Variants in TRIOBP observed in about 807,000 individuals in gnomAD.
TRIOBP encodes TRIO and F-actin binding protein, also known as TRIO and F-actin-binding protein.
A neutral mutation model predicts 238.8 loss-of-function variants in TRIOBP; 169 were observed. The ratio of observed to expected loss-of-function variants is 0.71; its 90% CI spans 0.62 to 0.80. TRIOBP has a LOEUF of 0.80. TRIOBP is among the 30% of genes least tolerant of loss of function. TRIOBP has a pLI of 0.00. For synonymous variants in TRIOBP, 1,150 were observed against 1,274.4 expected (o/e 0.90, Z 2.08); for missense variants, 2,838 against 3,122.6 (o/e 0.91, Z 2.17).
rs4821703 is a variant in TRIOBP, at chr22:37,740,669, C to T, written c.5185-226C>T. ...CCGTGGTTTGACTTTAGGGTGATGA[C>T]GTGCACACCTTCAAAGGTGCTGAGC... On this transcript the variant is annotated intron_variant, in intron 10 of 23. Transcript: ENST00000644935. Among the ~76,000 whole-genome samples, 37,645 of 152,230 alleles carry T rather than the reference C, an allele frequency of 0.25. 5,585 individuals are homozygous for T. The highest frequency in any genetic ancestry group is 0.4 in the South Asian group (1,945 of 4,816).
intron 11 of TRIOBP, among the ~76,000 whole-genome samples, chr22:37,747,599 C>T (rs1037077318): frequency 2.6e-5 from 4 of 152,194 alleles, no homozygotes; most frequent in Non-Finnish European, 4.4e-5. Context: ...AGCAGCCTCC[C>T]CTTTTCTGTC....
intron 17 of TRIOBP, chr22:37,759,553 C>T: frequency 6.3e-7 from 1 of 1,599,620 alleles, no homozygotes; most frequent in Non-Finnish European, 8.5e-7. Flanking sequence ...ACTGCAGAGC[C>T]TGTGTGTGAG....
At chr22:37,765,947 T>A in intron 18 of TRIOBP, 130 bp downstream of exon 18, 4 of 1,268,392 alleles carry the variant, frequency 3.2e-6, no homozygotes, top group Non-Finnish European at 4.2e-6. Context: ...GGGTAAAGGG[T>A]CAGCAGGTGT....
Position 37,726,348 on chromosome 22 carries a change from C to T in TRIOBP, c.3792C>T (p.Asn1264=). The change falls in exon 7 of 24, where the codon AAC becomes AAT. Residue 1264 remains asparagine (N), a synonymous_variant. Transcript: ENST00000644935. ...CGCCTCCCGGGGAGACCAGGCACAACTTGGAGCGGGAGGAGTACACTGTGC... is the reference window on the plus strand; with the variant it reads ...CGCCTCCCGGGGAGACCAGGCACAATTTGGAGCGGGAGGAGTACACTGTGC... The part of the protein sequence containing the change: ...GSAPPGETRH[N]LEREEYTVLA... The T allele has an allele frequency of 6.2e-7, 1 of 1,609,946 alleles. No homozygotes were observed.
intron 22 of TRIOBP, 21 bp downstream of exon 22, chr22:37,771,757 G>A (rs1484973164): frequency 1.2e-6 from 2 of 1,610,424 alleles, no homozygotes; most frequent in East Asian, 4.5e-5. Flanking sequence ...CCGCTGGGCT[G>A]GGGGCCGTCG....
At chr22:37,743,649 T>G (rs1298125456) in intron 11 of TRIOBP, among the ~76,000 whole-genome samples, 1 of 152,036 alleles carries the variant, frequency 6.6e-6, no homozygotes, top group Non-Finnish European at 1.5e-5. Context: ...GGTCACCACT[T>G]TAGTGGGGAA....
At chr22:37,743,515 G>A (rs752798356) in intron 11 of TRIOBP, among the ~76,000 whole-genome samples, 1 of 152,188 alleles carries the variant, frequency 6.6e-6, no homozygotes, top group Non-Finnish European at 1.5e-5. Context: ...CCGTGCTTAC[G>A]GAGGATGTGC....
chr22:37,706,841 T>C (rs1473683875), intron 3 of TRIOBP, among the ~76,000 whole-genome samples: 2 of 151,796 alleles, frequency 1.3e-5, no homozygotes, highest in Non-Finnish European at 2.9e-5. Context: ...CCAGTTGCTC[T>C]GATGATGATC....
chr22:37,708,562 C>T (rs901716334), intron 3 of TRIOBP, among the ~76,000 whole-genome samples: 1 of 152,166 alleles, frequency 6.6e-6, no homozygotes, highest in African/African-American at 2.4e-5. Flanking sequence ...AAAAAAAAAG[C>T]CCTTTACAAA....
chr22:37,772,914 G>A (rs1926855732), intron 23 of TRIOBP, 150 bp downstream of exon 23: 1 of 996,346 alleles, frequency 1.0e-6, no homozygotes, highest in Non-Finnish European at 1.5e-6. Flanking sequence ...AGCAACACGG[G>A]GTTGTTGCAG....
chr22:37,773,490 G>T (rs1926885531), intron 23 of TRIOBP, among the ~76,000 whole-genome samples: 6 of 152,146 alleles, frequency 3.9e-5, no homozygotes, highest in Admixed American at 3.3e-4. Context: ...AAAATTCTGA[G>T]ATTACAGGTG....
intron 21 of TRIOBP, 45 bp downstream of exon 21, chr22:37,769,420 C>T: frequency 6.6e-7 from 1 of 1,523,906 alleles, no homozygotes; most frequent in Non-Finnish European, 8.8e-7. Flanking sequence ...GTTCTCGGGG[C>T]CCGGGGCTAT....
At position 37,776,146 on chromosome 22, in the gene TRIOBP, C is replaced by G. The variant is rs1351174698; in HGVS notation, c.*2366C>G. On this transcript the variant is annotated 3_prime_UTR_variant, in exon 24 of 24. Coordinates refer to ENST00000644935, the MANE Select transcript of TRIOBP (RefSeq NM_001039141.3). ...CAGGAACATCCTCTTCACCAACCCCCCTCCCATCCCTCCTCAGGGCTGCCT... is the reference window on the plus strand; with the variant it reads ...CAGGAACATCCTCTTCACCAACCCCGCTCCCATCCCTCCTCAGGGCTGCCT... The G allele has an allele frequency of 1.3e-5, 2 of 152,308 alleles. No homozygotes were observed. The highest frequency in any genetic ancestry group is 1.3e-4 in the Admixed American group (2 of 15,284). 9.4% of individuals were successfully genotyped at this position (152,308 alleles called of 1,614,324 possible).
At position 37,697,770 on chromosome 22, in the gene TRIOBP, A is replaced by AC. The variant is rs1260449266; in HGVS notation, c.-61+80dup. 3 of 149,930 alleles carry AC rather than the reference A, an allele frequency of 2.0e-5. No homozygotes were observed. The East Asian group carries it at 5.9e-4, about 30-fold the overall frequency. The allele number at this position is 149,930 out of a possible 1,614,324, so 9.3% of individuals were successfully genotyped here. ...TGTTTTGGGATGTTGGGTTCCTCCCACCCCCCACCCTCCCCCTGGGGCTCT... is the reference window on the plus strand; with the variant it reads ...TGTTTTGGGATGTTGGGTTCCTCCCACCCCCCCACCCTCCCCCTGGGGCTCT... On this transcript the variant is annotated intron_variant, in intron 2 of 23. Transcript: ENST00000644935.
intron 15 of TRIOBP, 24 bp downstream of exon 15, chr22:37,755,683 C>T: frequency 6.2e-7 from 1 of 1,608,730 alleles, no homozygotes; most frequent in Non-Finnish European, 8.5e-7. Flanking sequence ...TGGACTGGGG[C>T]CTTGAGGGAG....
intron 11 of TRIOBP, among the ~76,000 whole-genome samples, chr22:37,746,742 A>G (rs1227943506): frequency 1.3e-5 from 2 of 150,770 alleles, no homozygotes; most frequent in African/African-American, 4.9e-5. Flanking sequence ...ACCCTTTCCC[A>G]CCTCCCCTCC....
At position 37,734,850 on chromosome 22, in the gene TRIOBP, A is replaced by T. The variant is rs754303584; in HGVS notation, c.4514A>T (p.Glu1505Val). The T allele has an allele frequency of 2.5e-6, 4 of 1,612,812 alleles. No individual in the cohort carries two copies. The highest frequency in any genetic ancestry group is 3.4e-6 in the Non-Finnish European group (4 of 1,179,934). ...AAGCCCACTCATGAGCTCCCCAGAG[A>T]ACTAGGAAAGAGAAGCCCACTCACG... ...EEKPTHELPR[E>V]LGKRSPLTSP... Residue 1505 changes from glutamate to valine, a missense_variant, in exon 9 of 24, where the codon GAA (glutamate) becomes GTA (valine). By Grantham distance (121) the Glu-to-Val change is moderately radical. Transcript: ENST00000644935.
intron 6 of TRIOBP, among the ~76,000 whole-genome samples, chr22:37,716,465 T>C (rs1347118380): frequency 2.0e-5 from 3 of 152,132 alleles, no homozygotes; most frequent in Non-Finnish European, 4.4e-5. Context: ...AGTCTCACAC[T>C]GTTGCCCAGA....
rs781604200 is a variant in TRIOBP at position 37,755,160 on chromosome 22, G to C, written c.5547G>C (p.Ala1849=). ...CCTGCACGGATGTCACTGAGTACGC[G>C]GTGCAGCGCAACTATGGCTTCCAGA... ...LRSCTDVTEY[A]VQRNYGFQIH... is the part of the protein sequence containing the mutation. Residue 1849 remains alanine, a synonymous_variant, in exon 14 of 24, where the codon GCG becomes GCC. Transcript: ENST00000644935. The C allele has an allele frequency of 3.7e-6, 6 of 1,613,234 alleles. No homozygotes were observed. Among genetic ancestry groups the C allele is most frequent in the East Asian group, 2.2e-5 (1 of 44,824 alleles).
Sources: gnomAD v4.1 joint callset for allele counts (sites outside exome capture counted in the v4.1 genomes callset) on GRCh38, gnomAD v4.1.1 for gene constraint, MANE v1.5 for transcripts, NCBI Gene and HGNC (gene_info 2026-07-23, HGNC 2026-07-21) for gene names.